The following CDH4 variants were observed in gnomAD, a reference collection of about 807,000 sequenced individuals.
The protein encoded by CDH4 is cadherin-4.
In CDH4, 33 loss-of-function variants were observed where a neutral mutation model predicts 86.0. That is an observed-to-expected ratio of 0.38 (90% CI 0.29 to 0.51). The LOEUF is 0.51. Among genes scored for constraint, CDH4 ranks in the 20% least tolerant of loss-of-function variants. The pLI, the probability that CDH4 is intolerant of heterozygous loss-of-function variation, is 0.86. For missense variants in CDH4, 1,114 were observed against 1,307.4 expected (o/e 0.85, Z 2.28); for synonymous variants, 555 against 549.4 (o/e 1.01, Z -0.14).
At position 61,713,603 on chromosome 20, in the gene CDH4, G is replaced by T. The variant is rs1470041255; in HGVS notation, c.170-29960G>T. Among the ~76,000 whole-genome samples the T allele has an allele frequency of 3.9e-5, 6 of 152,230 alleles. No individual in the cohort carries two copies. In the South Asian group the frequency reaches 8.3e-4, roughly 21 times the overall value. ...GGATGTGCAGGTGTGAGGGGCCAAA[G>T]ACTCCCCCAGAAAAGGACAGTCTGT... On this transcript the variant is annotated intron_variant, in intron 2 of 15. Coordinates refer to ENST00000614565, the MANE Select transcript of CDH4 (RefSeq NM_001794.5).
intron 2 of CDH4, among the ~76,000 whole-genome samples, chr20:61,712,109 G>C (rs893731970): frequency 1.3e-5 from 2 of 152,176 alleles, no homozygotes; most frequent in African/African-American, 4.8e-5. Context: ...AGGGACGGAG[G>C]GTCTTCCACG....
intron 2 of CDH4, among the ~76,000 whole-genome samples, chr20:61,607,096 T>C (rs1298237618): frequency 6.6e-6 from 1 of 152,244 alleles, no homozygotes; most frequent in East Asian, 1.9e-4. Context: ...ATCACCGTTC[T>C]AACCTGCCTT....
intron 7 of CDH4, among the ~76,000 whole-genome samples, chr20:61,875,432 C>T (rs560074998): frequency 3.6e-4 from 55 of 152,316 alleles, no homozygotes; most frequent in African/African-American, 1.2e-3. Context: ...CAGCAGAGGA[C>T]GTTGTCAGCC....
chr20:61,810,077 A>G lies in CDH4; in HGVS notation c.577-34591A>G, dbSNP rs1980353885. 6.6e-6 allele frequency among the ~76,000 whole-genome samples: 1 copy of G among 152,212 alleles called. No individual in the cohort carries two copies. Among genetic ancestry groups the G allele is most frequent in the South Asian group, 2.1e-4 (1 of 4,830 alleles). On this transcript the variant is annotated intron_variant, in intron 4 of 15. Coordinates refer to ENST00000614565, the MANE Select transcript of CDH4 (RefSeq NM_001794.5). The surrounding 1 kb of genome is among the most constrained non-coding windows in gnomAD (Gnocchi z 4.3). ...CCAACCACAAGTGTGTTTCTCACACATCCAGAGGTTTGGCTAGCGTTGGTC... is the reference window on the plus strand; with the variant it reads ...CCAACCACAAGTGTGTTTCTCACACGTCCAGAGGTTTGGCTAGCGTTGGTC...
chr20:61,741,816 G>T (rs530992411), intron 2 of CDH4, among the ~76,000 whole-genome samples: 1 of 152,178 alleles, frequency 6.6e-6, no homozygotes, highest in East Asian at 1.9e-4. Context: ...GAGATGACAG[G>T]CAGGAGCCAC....
intron 4 of CDH4, among the ~76,000 whole-genome samples, chr20:61,832,595 G>C (rs34992699): frequency 0.011 from 1,650 of 152,242 alleles, 14 homozygotes; most frequent in Admixed American, 0.035. Flanking sequence ...ATGGAGGCAG[G>C]AGAGAGAAGT....
intron 2 of CDH4, among the ~76,000 whole-genome samples, chr20:61,631,854 G>A (rs2086891762): frequency 6.6e-6 from 1 of 152,328 alleles, no homozygotes; most frequent in East Asian, 1.9e-4. Context: ...GGTAGTAAGT[G>A]AATGGGGCCC....
At chr20:61,626,555 G>A (rs2086831629) in intron 2 of CDH4, among the ~76,000 whole-genome samples, 1 of 152,222 alleles carries the variant, frequency 6.6e-6, no homozygotes. Context: ...AACAGGGACA[G>A]GGCAGAAGCT....
At chr20:61,549,544 A>G (rs1032225090) in intron 2 of CDH4, among the ~76,000 whole-genome samples, 1 of 152,242 alleles carries the variant, frequency 6.6e-6, no homozygotes, top group Non-Finnish European at 1.5e-5. Flanking sequence ...TGCTTTGTGT[A>G]CAAAGTTTTC....
chr20:61,465,683 T>A (rs955865385), intron 2 of CDH4, among the ~76,000 whole-genome samples: 2 of 152,122 alleles, frequency 1.3e-5, no homozygotes, highest in Non-Finnish European at 2.9e-5. Context: ...TATCTCCTGG[T>A]TTTTGTTGTT....
chr20:61,885,102 C>T (rs1017264297), intron 7 of CDH4, among the ~76,000 whole-genome samples: 3 of 152,092 alleles, frequency 2.0e-5, no homozygotes, highest in African/African-American at 7.2e-5. Context: ...CCCTCGGGCC[C>T]CTGCAAGGCA....
rs78448818 is a variant in CDH4, at chr20:61,710,857, C to G, written c.170-32706C>G. Among the ~76,000 whole-genome samples, 10 of 152,350 alleles carry G rather than the reference C, an allele frequency of 6.6e-5. No individual in the cohort carries two copies. In the East Asian group the frequency reaches 1.9e-3, roughly 29 times the overall value. On this transcript the variant is annotated intron_variant, in intron 2 of 15. Transcript: ENST00000614565. ...AGACCATGCAGTCCTGAAAGGGGGT[C>G]CCTGCCCTCATGAAGCGCGCCTGCC...
intron 2 of CDH4, among the ~76,000 whole-genome samples, chr20:61,688,302 C>CCCTCCTCCCACCTT (rs928265654): frequency 6.6e-6 from 1 of 152,090 alleles, no homozygotes; most frequent in Non-Finnish European, 1.5e-5. Context: ...TTGTCTTTCT[C>CCCTCCTCCCACCTT]CCTCCTCCCA....
intron 4 of CDH4, among the ~76,000 whole-genome samples, chr20:61,773,760 A>C (rs2088807525): frequency 6.6e-6 from 1 of 152,236 alleles, no homozygotes; most frequent in Non-Finnish European, 1.5e-5. Context: ...CAACAATTTG[A>C]TAAAAGGATG....
intron 2 of CDH4, among the ~76,000 whole-genome samples, chr20:61,491,759 G>C (rs1384537847): frequency 6.6e-6 from 1 of 151,984 alleles, no homozygotes; most frequent in Non-Finnish European, 1.5e-5. Flanking sequence ...GCTGATGTTG[G>C]TGCCATTGCT....
chr20:61,275,088 TG>T (rs2084220567), intron 2 of CDH4, among the ~76,000 whole-genome samples: 1 of 71,162 alleles, frequency 1.4e-5, no homozygotes, highest in Non-Finnish European at 2.6e-5. Flanking sequence ...ATGTGTAGTT[TG>T]GGGGAGTACT....
intron 2 of CDH4, among the ~76,000 whole-genome samples, chr20:61,320,213 A>C (rs925833937): frequency 6.6e-6 from 1 of 152,142 alleles, no homozygotes; most frequent in Non-Finnish European, 1.5e-5. Context: ...GTCTCTTCCC[A>C]AGGCGTCTTA....
intron 2 of CDH4, among the ~76,000 whole-genome samples, chr20:61,317,596 TG>T (rs1201587325): frequency 6.6e-6 from 1 of 152,058 alleles, no homozygotes; most frequent in Non-Finnish European, 1.5e-5. Context: ...GAGTCTGTGG[TG>T]GGGCGTCCTG....
chr20:61,462,379 T>C (rs1219662452), intron 2 of CDH4, among the ~76,000 whole-genome samples: 2 of 152,240 alleles, frequency 1.3e-5, no homozygotes, highest in African/African-American at 2.4e-5. Flanking sequence ...AAAGTAGTTG[T>C]GGATCTTCAG....
Sources: gnomAD v4.1 joint callset for allele counts (sites outside exome capture counted in the v4.1 genomes callset) on GRCh38, gnomAD v4.1.1 for gene constraint, Gnocchi (gnomAD v3.1) non-coding constraint, MANE v1.5 for transcripts, NCBI Gene and HGNC (gene_info 2026-07-23, HGNC 2026-07-21) for gene names.